Variants in ZNF518B observed in about 807,000 individuals in gnomAD.
The protein encoded by ZNF518B is zinc finger protein 518B.
In ZNF518B, 23 loss-of-function variants were observed where a neutral mutation model predicts 56.3. The ratio of observed to expected loss-of-function variants is 0.41; its 90% CI spans 0.29 to 0.58. The LOEUF is 0.58. Among genes scored for constraint, ZNF518B ranks in the 20% least tolerant of loss-of-function variants. The pLI is 0.32. For missense variants in ZNF518B, 1,460 were observed against 1,272.1 expected (o/e 1.15, Z -2.25); for synonymous variants, 529 against 465.9 (o/e 1.14, Z -1.74).
upstream of ZNF518B, among the ~76,000 whole-genome samples, chr4:10,458,576 T>C (rs1466784598): frequency 6.6e-6 from 1 of 152,162 alleles, no homozygotes; most frequent in East Asian, 1.9e-4. Flanking sequence ...AGAGAGCAAA[T>C]CCTTCTTCCT....
Position 10,444,788 on chromosome 4 carries a change from G to A in ZNF518B, c.1541C>T (p.Ala514Val), listed in dbSNP as rs371609988. ...ACTGTGTAAATTTCTTCCACTTTCA[G>A]CAAAACAAACAGCAGCTTTATATGG... is the stretch of plus-strand genomic sequence containing the variant. ...PFPYKAAVCF[A>V]ESGRNLHSSS... Residue 514 changes from alanine (A) to valine (V), a missense_variant, in exon 3 of 3, where the codon GCT (alanine) becomes GTT (valine). Physicochemically the swap from Ala to Val is moderately conservative, Grantham distance 64. Transcript: ENST00000326756. 1 of 1,613,618 alleles carries A rather than the reference G, an allele frequency of 6.2e-7. No homozygotes were observed. The highest frequency in any genetic ancestry group is 1.3e-5 in the African/African-American group (1 of 74,882).
rs557821787 is a variant in ZNF518B at position 10,444,689 on chromosome 4, G to A, written c.1640C>T (p.Pro547Leu). ...CSFSGEKGLL[P>L]VSENDLESTS... ...AGATTCCAAGTCATTTTCACTTACAGGCAATAAGCCCTTTTCTCCAGAGAA... is the reference window on the plus strand; with the variant it reads ...AGATTCCAAGTCATTTTCACTTACAAGCAATAAGCCCTTTTCTCCAGAGAA... Residue 547 changes from proline (P) to leucine (L), a missense_variant, in exon 3 of 3, where the codon CCT becomes CTT. Pro to Leu is a moderately conservative substitution (Grantham distance 98). Coordinates refer to ENST00000326756, the MANE Select transcript of ZNF518B (RefSeq NM_053042.3). 5.6e-6 allele frequency: 9 copies of A among 1,614,148 alleles called. No individual in the cohort carries two copies. Among genetic ancestry groups the A allele is most frequent in the Admixed American group, 5.0e-5 (3 of 60,028 alleles).
rs1714809446 is a variant in ZNF518B, at chr4:10,443,827, A to G, written c.2502T>C (p.Asp834=). 2 of 1,614,052 alleles carry G rather than the reference A, an allele frequency of 1.2e-6. No homozygotes were observed. Among genetic ancestry groups the G allele is most frequent in the African/African-American group, 2.7e-5 (2 of 74,918 alleles). Residue 834 remains aspartate (D), a synonymous_variant, in exon 3 of 3, where the codon GAT becomes GAC. Coordinates refer to ENST00000326756, the MANE Select transcript of ZNF518B (RefSeq NM_053042.3). ...QPLRSERGPI[D]MSPNIETPLR... is the part of the protein sequence containing the mutation. The stretch of plus-strand genomic sequence containing the variant: ...GAGGTGTCTCGATATTTGGGGACAT[A>G]TCTATTGGCCCCCTTTCACTTCTTA...
In ZNF518B at chr4:10,445,730, A is replaced by C; in HGVS notation, c.599T>G (p.Ile200Ser). 1 of 1,614,200 alleles carries C rather than the reference A, an allele frequency of 6.2e-7. No homozygotes were observed. The highest frequency in any genetic ancestry group is 8.5e-7 in the Non-Finnish European group (1 of 1,180,036). Residue 200 changes from isoleucine (I) to serine (S), a missense_variant, in exon 3 of 3, where the codon ATT becomes AGT. By Grantham distance (142) the Ile-to-Ser change is moderately radical (BLOSUM62 -2). Transcript: ENST00000326756. The stretch of plus-strand genomic sequence containing the variant: ...GTGTTTGACAATATAATCATTTCTA[A>C]TAGCACCATAGTCACAATACTCACA... ...YQCEYCDYGA[I>S]RNDYIVKHTK... is the part of the protein sequence containing the mutation.
chr4:10,444,390 G>C lies in ZNF518B; in HGVS notation c.1939C>G (p.Pro647Ala), dbSNP rs1283228783. 1.2e-6 allele frequency: 2 copies of C among 1,614,058 alleles called. No individual in the cohort carries two copies. The highest frequency in any genetic ancestry group is 1.7e-6 in the Non-Finnish European group (2 of 1,179,994). The change falls in exon 3 of 3, where the codon CCC becomes GCC. Residue 647 changes from proline to alanine, a missense_variant. By Grantham distance (27) the Pro-to-Ala change is conservative. Transcript: ENST00000326756. ...FSLSSGSENV[P>A]EGIKWNSSTS... ...GAGCTATTCCACTTAATGCCCTCGG[G>C]GACATTTTCAGATCCAGAGCTCAGA...
Position 10,445,084 on chromosome 4 carries a change from G to T in ZNF518B, c.1245C>A (p.Leu415=). ...AAGGTTGAAAACTATCAATGCCTAC[G>T]AGTTTTCCAACATTCCCGTCAACTG... ...SLTVDGNVGK[L]VGIDSFQPSV... Residue 415 remains leucine (L), a synonymous_variant, in exon 3 of 3, where the codon CTC becomes CTA. Coordinates refer to ENST00000326756, the MANE Select transcript of ZNF518B (RefSeq NM_053042.3). 6.2e-7 allele frequency: 1 copy of T among 1,614,154 alleles called. No individual in the cohort carries two copies. The highest frequency in any genetic ancestry group is 8.5e-7 in the Non-Finnish European group (1 of 1,180,012).
At position 10,444,040 on chromosome 4, in the gene ZNF518B, C is replaced by T; in HGVS notation, c.2289G>A (p.Lys763=). The T allele has an allele frequency of 1.9e-6, 3 of 1,614,210 alleles. No individual in the cohort carries two copies. The highest frequency in any genetic ancestry group is 2.5e-6 in the Non-Finnish European group (3 of 1,180,044). Residue 763 remains lysine (K), a synonymous_variant, in exon 3 of 3, where the codon AAG becomes AAA. Transcript: ENST00000326756. Reference sequence around the variant, plus strand: ...TTAACACTGGCGTGGCAACATGAGCCTTCCTGGCCACTCTGCTTTTGGTTT... The same window carrying T: ...TTAACACTGGCGTGGCAACATGAGCTTTCCTGGCCACTCTGCTTTTGGTTT... ...NRKTKSRVAR[K]AHVATPVLIP... is the part of the protein sequence containing the mutation.
In ZNF518B at chr4:10,445,878, T is replaced by A. The variant is rs747683862; in HGVS notation, c.451A>T (p.Lys151Ter). Reference protein sequence around the residue: ...RFSTKDPLQYKKHTLQHEEIK... With the variant: ...RFSTKDPLQY The stretch of plus-strand genomic sequence containing the variant: ...TCCTCGTGTTGAAGGGTGTGCTTTT[T>A]GTACTGCAGCGGGTCCTTTGTAGAG... The change falls in exon 3 of 3, where the codon AAA (lysine) becomes TAA (stop). Residue 151 changes from lysine (K) to a stop codon, truncating the protein, a stop_gained. Transcript: ENST00000326756. LOFTEE classifies it low-confidence loss of function (END_TRUNC). The A allele has an allele frequency of 6.2e-7, 1 of 1,614,254 alleles. No homozygotes were observed. Among genetic ancestry groups the A allele is most frequent in the South Asian group, 1.1e-5 (1 of 91,092 alleles).
At chr4:10,448,700 T>C (rs1236186176) in intron 2 of ZNF518B, among the ~76,000 whole-genome samples, 1 of 151,968 alleles carries the variant, frequency 6.6e-6, no homozygotes, top group Non-Finnish European at 1.5e-5. Flanking sequence ...TTCAAACACA[T>C]ACCTGTGTAA....
rs34932543 is a variant in ZNF518B, at chr4:10,440,288, GTTTTTT to G, written c.*2810_*2815del. ...TCTATCAGAGTATACTTTGGGTCAG[GTTTTTT>G]TTTTTTAACTTTTACTGTATTTGCC... is the stretch of plus-strand genomic sequence containing the variant. On this transcript the variant is annotated 3_prime_UTR_variant, in exon 3 of 3. Coordinates refer to ENST00000326756, the MANE Select transcript of ZNF518B (RefSeq NM_053042.3). The G allele has an allele frequency of 4.0e-5, 6 of 149,912 alleles. No individual in the cohort carries two copies. The highest frequency in any genetic ancestry group is 7.4e-5 in the Non-Finnish European group (5 of 67,500). 9.3% of individuals were successfully genotyped at this position (149,912 alleles called of 1,614,324 possible).
chr4:10,460,318 A>C (rs1284618103), upstream of ZNF518B, among the ~76,000 whole-genome samples: 232 of 87,956 alleles, frequency 2.6e-3, 6 homozygotes, highest in Admixed American at 3.4e-3. Context: ...AAAAAAAAAA[A>C]AAAAACCAAA....
In ZNF518B at chr4:10,445,582, C is replaced by T; in HGVS notation, c.747G>A (p.Arg249=). The change falls in exon 3 of 3, where the codon CGG becomes CGA. Residue 249 remains arginine, a synonymous_variant. Transcript: ENST00000326756. ...NPELLKASNP[R]TTFQNKWSDQ... Reference sequence around the variant, plus strand: ...CTGACCACTTATTTTGAAATGTAGTCCGTGGATTGGAAGCTTTTAGAAGCT... The same window carrying T: ...CTGACCACTTATTTTGAAATGTAGTTCGTGGATTGGAAGCTTTTAGAAGCT... 1.2e-6 allele frequency: 2 copies of T among 1,614,108 alleles called. No individual in the cohort carries two copies. Among genetic ancestry groups the T allele is most frequent in the Non-Finnish European group, 1.7e-6 (2 of 1,180,030 alleles).
At chr4:10,460,313 AAAAAAAAAAACC>A (rs1364559403), upstream of ZNF518B, among the ~76,000 whole-genome samples, 216 of 95,426 alleles carry the variant, frequency 2.3e-3, 19 homozygotes, top group African/African-American at 9.1e-3. Flanking sequence ...TCAAAAAAAA[AAAAAAAAAAACC>A]AAAAAAAAAA....
chr4:10,442,310 G>A lies in ZNF518B; in HGVS notation c.*794C>T, dbSNP rs1403376209. 2.6e-5 allele frequency: 4 copies of A among 152,154 alleles called. No homozygotes were observed. The highest frequency in any genetic ancestry group is 2.1e-4 in the South Asian group (1 of 4,822). 9.4% of individuals were successfully genotyped at this position (152,154 alleles called of 1,614,324 possible). ...CACTTATGTTTCTGGGAGTGGTAAG[G>A]GCAAAGAGAAAATAGTTTTAGATAT... On this transcript the variant is annotated 3_prime_UTR_variant, in exon 3 of 3. Transcript: ENST00000326756.
chr4:10,443,813 A>G lies in ZNF518B; in HGVS notation c.2516T>C (p.Ile839Thr), dbSNP rs377391248. The change falls in exon 3 of 3, where the codon ATC becomes ACC. Residue 839 changes from isoleucine to threonine, a missense_variant. Transcript: ENST00000326756. ...CAGTTTAGGCCGCAGAGGTGTCTCGATATTTGGGGACATATCTATTGGCCC... is the reference window on the plus strand; with the variant it reads ...CAGTTTAGGCCGCAGAGGTGTCTCGGTATTTGGGGACATATCTATTGGCCC... ...ERGPIDMSPNIETPLRPKLRK... is the reference protein window; with the variant it reads ...ERGPIDMSPNTETPLRPKLRK... 1.7e-5 allele frequency: 27 copies of G among 1,614,162 alleles called. No individual in the cohort carries two copies. Among genetic ancestry groups the G allele is most frequent in the East Asian group, 1.1e-4 (5 of 44,888 alleles).
intron 2 of ZNF518B, among the ~76,000 whole-genome samples, chr4:10,448,529 G>T (rs974712305): frequency 6.6e-6 from 1 of 151,956 alleles, no homozygotes; most frequent in Non-Finnish European, 1.5e-5. Context: ...CTCTACTTTT[G>T]CGAAAGATAG....
intron 2 of ZNF518B, chr4:10,450,770 GTGTT>G (rs1269565196): frequency 6.6e-6 from 1 of 152,200 alleles, no homozygotes; most frequent in African/African-American, 2.4e-5. Flanking sequence ...AGCAGGGTCA[GTGTT>G]TGCCTACCGT....
intron 1 of ZNF518B, chr4:10,457,077 G>C (rs916338539): frequency 6.7e-6 from 1 of 148,884 alleles, no homozygotes; most frequent in Admixed American, 6.7e-5. Context: ...CCGCGGCCCG[G>C]GCCCCCACCC....
In ZNF518B at chr4:10,445,485, T is replaced by G. The variant is rs764348520; in HGVS notation, c.844A>C (p.Lys282Gln). The G allele has an allele frequency of 3.1e-6, 5 of 1,614,246 alleles. No individual in the cohort carries two copies. In the Admixed American group the frequency reaches 8.3e-5, roughly 27 times the overall value. ...MHNIMLLPEP[K>Q]EYQKDVVCIP... ...CAAACTACATCTTTTTGGTATTCCT[T>G]TGGTTCAGGTAACAACATGATATTG... The change falls in exon 3 of 3, where the codon AAG becomes CAG. Residue 282 changes from lysine to glutamine, a missense_variant. Lys to Gln is a moderately conservative substitution (Grantham distance 53). Coordinates refer to ENST00000326756, the MANE Select transcript of ZNF518B (RefSeq NM_053042.3).
Sources: gnomAD v4.1 joint callset for allele counts (sites outside exome capture counted in the v4.1 genomes callset) on GRCh38, gnomAD v4.1.1 for gene constraint, MANE v1.5 for transcripts, NCBI Gene and HGNC (gene_info 2026-07-23, HGNC 2026-07-21) for gene names.